Variants in DCAF8L2 observed in about 807,000 individuals in gnomAD.
DCAF8L2 encodes the protein DDB1 and CUL4 associated factor 8 like 2.
For synonymous variants in DCAF8L2, 200 were observed against 190.9 expected (o/e 1.05, Z -0.39); for missense variants, 430 against 490.7 (o/e 0.88, Z 1.17).
chrX:27,617,176 A>G (rs779540879), intron 1 of DCAF8L2, among the ~76,000 whole-genome samples: 1 of 111,372 alleles, frequency 9.0e-6, no homozygotes, highest in Admixed American at 9.6e-5. Context: ...TAAGAAGCCC[A>G]TTTCCCTGAC....
chrX:27,636,633 G>C (rs1178168817), intron 2 of DCAF8L2, among the ~76,000 whole-genome samples: 2 of 111,037 alleles, frequency 1.8e-5, no homozygotes, highest in Admixed American at 1.9e-4. Flanking sequence ...TCTCAAACCT[G>C]AACACATCTC....
At chrX:27,697,641 T>G (rs914225289) in intron 3 of DCAF8L2, among the ~76,000 whole-genome samples, 3 of 111,470 alleles carry the variant, frequency 2.7e-5, no homozygotes, top group African/African-American at 6.6e-5. Context: ...AAATATTAGC[T>G]ATTTCCCTTA....
intron 3 of DCAF8L2, among the ~76,000 whole-genome samples, chrX:27,710,401 T>A (rs1344988036): frequency 1.9e-4 from 21 of 111,817 alleles, no homozygotes; most frequent in African/African-American, 5.8e-4. Flanking sequence ...TATTATCTAT[T>A]TTAGTCATCC....
At chrX:27,470,989 T>C in the DCAF8L2 span, among the ~76,000 whole-genome samples, 1 of 111,514 alleles carries the variant, frequency 9.0e-6, no homozygotes, top group Non-Finnish European at 1.9e-5. Context: ...ACCCATTCGA[T>C]GTCATTAACA....
At chrX:27,615,094 G>T (rs1332495414) in intron 1 of DCAF8L2, among the ~76,000 whole-genome samples, 1 of 103,408 alleles carries the variant, frequency 9.7e-6, no homozygotes, top group East Asian at 3.7e-4. Context: ...GGTTTCAGTG[G>T]TGGGGAAAGA....
At chrX:27,616,551 T>C (rs752649103) in intron 1 of DCAF8L2, among the ~76,000 whole-genome samples, 111 of 111,670 alleles carry the variant, frequency 9.9e-4, no homozygotes, top group Non-Finnish European at 1.9e-3. Context: ...AATTTATTTA[T>C]ATATACAAAA....
At chrX:27,720,594 C>T (rs1334610994) in intron 4 of DCAF8L2, among the ~76,000 whole-genome samples, 1 of 110,777 alleles carries the variant, frequency 9.0e-6, no homozygotes. Context: ...AGGATGGTCT[C>T]GATCTCCTGA....
At chrX:27,512,084 G>A in the DCAF8L2 span, among the ~76,000 whole-genome samples, 5 of 108,054 alleles carry the variant, frequency 4.6e-5, no homozygotes, top group East Asian at 1.5e-3. Context: ...GGCAACATGA[G>A]ACTCTGCTTC....
chrX:27,713,053 G>A (rs1379647881), intron 3 of DCAF8L2, among the ~76,000 whole-genome samples: 2 of 111,694 alleles, frequency 1.8e-5, no homozygotes, highest in Non-Finnish European at 3.8e-5. Flanking sequence ...ATTTGAGGAA[G>A]AGGTCTGAGT....
At chrX:27,593,919 T>C (rs1926231308) in intron 1 of DCAF8L2, among the ~76,000 whole-genome samples, 1 of 112,437 alleles carries the variant, frequency 8.9e-6, no homozygotes, top group African/African-American at 3.2e-5. Context: ...CTACCATTTA[T>C]TCATTAAAAA....
chrX:27,572,887 C>T, the DCAF8L2 span, among the ~76,000 whole-genome samples: 1 of 111,286 alleles, frequency 9.0e-6, no homozygotes, highest in Non-Finnish European at 1.9e-5. Context: ...TCTGAATAAG[C>T]AGGTTACATA....
At chrX:27,562,061 G>A in the DCAF8L2 span, among the ~76,000 whole-genome samples, 2 of 111,876 alleles carry the variant, frequency 1.8e-5, no homozygotes, top group Non-Finnish European at 3.8e-5. Flanking sequence ...TCACATGCCT[G>A]TAAACACTTA....
At chrX:27,591,142 T>C (rs1461808278) in intron 1 of DCAF8L2, among the ~76,000 whole-genome samples, 2 of 108,569 alleles carry the variant, frequency 1.8e-5, no homozygotes, top group Non-Finnish European at 1.9e-5. Context: ...TGAAAATACA[T>C]GTACTGGTGT....
chrX:27,746,269 T>C (rs1388727693), intron 4 of DCAF8L2, among the ~76,000 whole-genome samples: 1 of 112,631 alleles, frequency 8.9e-6, no homozygotes, highest in African/African-American at 3.2e-5. Flanking sequence ...ATTCATCCTT[T>C]ATCTGAAATG....
intron 3 of DCAF8L2, among the ~76,000 whole-genome samples, chrX:27,688,871 T>A (rs185065261): frequency 0.026 from 2,875 of 111,676 alleles, 86 homozygotes; most frequent in African/African-American, 0.087. Context: ...GCTATTTTTT[T>A]AATCCAAAAA....
chrX:27,696,274 GAAAGAAAGAAAGAAAGAAA>G (rs1930903033), intron 3 of DCAF8L2, among the ~76,000 whole-genome samples: 3 of 24,946 alleles, frequency 1.2e-4, no homozygotes, highest in Non-Finnish European at 2.1e-4. Context: ...GAGAGAGAAA[GAAAGAAAGAAAGAAAGAAA>G]GAAAGAAAGA....
the DCAF8L2 span, among the ~76,000 whole-genome samples, chrX:27,545,936 C>T: frequency 4.5e-5 from 5 of 111,763 alleles, no homozygotes; most frequent in Admixed American, 3.8e-4. Context: ...AATCTCATGC[C>T]TTTTCAAATT....
At chrX:27,641,710 G>A (rs1928732009) in intron 2 of DCAF8L2, among the ~76,000 whole-genome samples, 1 of 109,675 alleles carries the variant, frequency 9.1e-6, no homozygotes, top group Non-Finnish European at 1.9e-5. Context: ...GACCTCAGGT[G>A]ATCCACCCAC....
the DCAF8L2 span, among the ~76,000 whole-genome samples, chrX:27,486,892 G>T: frequency 3.6e-5 from 4 of 111,279 alleles, no homozygotes; most frequent in Admixed American, 1.9e-4. Flanking sequence ...TTTATAATTG[G>T]TTAGAGTGAG....
Sources: gnomAD v4.1 joint callset for allele counts (sites outside exome capture counted in the v4.1 genomes callset) on GRCh38, gnomAD v4.1.1 for gene constraint, MANE v1.5 for transcripts, NCBI Gene and HGNC (gene_info 2026-07-23, HGNC 2026-07-21) for gene names.